Variants in PLXNA1 observed in about 807,000 individuals in gnomAD.
The protein encoded by PLXNA1 is plexin A1, also known as plexin-A1.
Under a neutral mutation model 191.7 loss-of-function variants are expected in PLXNA1, and 77 were observed. The observed-to-expected ratio is 0.40, with a 90% CI of 0.33 to 0.49. PLXNA1 has a LOEUF of 0.49. Ranked by LOEUF, PLXNA1 falls within the 20% of genes least tolerant of loss-of-function variation. PLXNA1 has a pLI of 0.63. For synonymous variants in PLXNA1, 1,137 were observed against 1,156.4 expected (o/e 0.98, Z 0.34); for missense variants, 2,110 against 2,660.2 (o/e 0.79, Z 4.55).
At chr3:127,031,292 A>G (rs998639150) in intron 29 of PLXNA1, among the ~76,000 whole-genome samples, 14 of 151,804 alleles carry the variant, frequency 9.2e-5, no homozygotes, top group African/African-American at 3.4e-4. Flanking sequence ...TGTGGCCCCC[A>G]CCCCAGCAGA....
At position 127,028,324 on chromosome 3, in the gene PLXNA1, C is replaced by T. The variant is rs749442884; in HGVS notation, c.4653C>T (p.Ala1551=). The part of the protein sequence containing the change: ...KGVPYSQRPK[A]ADMDLEWRQG... ...TGCCCTACTCCCAGCGGCCCAAGGC[C>T]GCGGACATGGACCTGGGTGAGCGGG... The change falls in exon 25 of 32, where the codon GCC becomes GCT. Residue 1551 remains alanine (A), a synonymous_variant. Transcript: ENST00000393409. The T allele has an allele frequency of 1.2e-5, 20 of 1,611,444 alleles. No individual in the cohort carries two copies. The highest frequency in any genetic ancestry group is 6.7e-5 in the Admixed American group (4 of 59,886).
In PLXNA1 at chr3:127,014,815, A is replaced by C; in HGVS notation, c.2861A>C (p.Lys954Thr). Residue 954 changes from lysine (K) to threonine (T), a missense_variant, in exon 14 of 32, where the codon AAG (lysine) becomes ACG (threonine). Coordinates refer to ENST00000393409, the MANE Select transcript of PLXNA1 (RefSeq NM_032242.4). ...CSPHYRALSP[K>T]RFTFVTPTFY... The stretch of plus-strand genomic sequence containing the variant: ...CCACACTACCGCGCCCTGTCACCCA[A>C]GCGCTTCACCTTCGTGGTGAGTCTG... The C allele has an allele frequency of 6.2e-7, 1 of 1,612,542 alleles. No homozygotes were observed. The highest frequency in any genetic ancestry group is 2.2e-5 in the East Asian group (1 of 44,868).
chr3:127,001,097 T>C (rs1265486821), intron 3 of PLXNA1, among the ~76,000 whole-genome samples: 2 of 152,146 alleles, frequency 1.3e-5, no homozygotes, highest in African/African-American at 4.8e-5. Context: ...CGGGGCGTTC[T>C]GGAGCCTGGG....
At chr3:127,030,891 C>T (rs1297716202) in intron 29 of PLXNA1, among the ~76,000 whole-genome samples, 1 of 152,198 alleles carries the variant, frequency 6.6e-6, no homozygotes, top group Non-Finnish European at 1.5e-5. Context: ...CCACTTGCCA[C>T]GGTCTCACGG....
At chr3:127,027,712 G>C in intron 23 of PLXNA1, 1 of 700,722 alleles carries the variant, frequency 1.4e-6, no homozygotes, top group Middle Eastern at 2.3e-4. Flanking sequence ...GTGTAATTTA[G>C]GGTTTTCATG....
At chr3:127,000,427 G>A (rs1305120517) in intron 3 of PLXNA1, among the ~76,000 whole-genome samples, 1 of 152,162 alleles carries the variant, frequency 6.6e-6, no homozygotes, top group East Asian at 1.9e-4. Flanking sequence ...GCGTCGGCAC[G>A]TGGGCTCCCG....
At position 126,989,667 on chromosome 3, in the gene PLXNA1, C is replaced by T. The variant is rs148162314; in HGVS notation, c.1074C>T (p.Cys358=). 121 of 1,613,150 alleles carry T rather than the reference C, an allele frequency of 7.5e-5. No homozygotes were observed. In the African/African-American group the frequency reaches 1.5e-3, roughly 21 times the overall value. Residue 358 remains cysteine (C), a synonymous_variant, in exon 2 of 32, where the codon TGC becomes TGT. Coordinates refer to ENST00000393409, the MANE Select transcript of PLXNA1 (RefSeq NM_032242.4). ...AGCCACCAAAGGAGTCAGCACTGTG[C>T]CTGTTCACGCTCAGGGCCATCAAGG... ...RVKPPKESAL[C]LFTLRAIKEK... is the part of the protein sequence containing the mutation.
chr3:127,002,518 T>A (rs1435076180), intron 3 of PLXNA1, among the ~76,000 whole-genome samples: 1 of 152,178 alleles, frequency 6.6e-6, no homozygotes, highest in Non-Finnish European at 1.5e-5. Context: ...AGTCTGGGCC[T>A]AGGCCCCTGC....
At chr3:127,025,374 TC>T (rs1241061963) in intron 23 of PLXNA1, among the ~76,000 whole-genome samples, 1 of 152,222 alleles carries the variant, frequency 6.6e-6, no homozygotes, top group Non-Finnish European at 1.5e-5. Context: ...TTTTGAAGGT[TC>T]CTTTATTTAT....
chr3:127,032,154 G>A (rs1182634994), intron 29 of PLXNA1, among the ~76,000 whole-genome samples: 4 of 152,254 alleles, frequency 2.6e-5, no homozygotes, highest in African/African-American at 7.2e-5. Context: ...GTTTGAGCAC[G>A]CCTATCTCAT....
At chr3:127,020,057 A>C in intron 20 of PLXNA1, 145 bp from the exon 21 acceptor site, 1 of 949,194 alleles carries the variant, frequency 1.1e-6, no homozygotes, top group South Asian at 1.6e-5. Context: ...TAGCTGGGGG[A>C]CGAAGAGGCA....
chr3:126,986,713 C>T (rs991314093), intron 1 of PLXNA1, among the ~76,000 whole-genome samples: 10 of 152,100 alleles, frequency 6.6e-5, no homozygotes, highest in African/African-American at 7.2e-5. Context: ...AGACCCTTCA[C>T]GAGTCCTGTG....
chr3:127,007,064 A>G (rs2079073057), intron 8 of PLXNA1, among the ~76,000 whole-genome samples: 1 of 152,148 alleles, frequency 6.6e-6, no homozygotes, highest in Admixed American at 6.5e-5. Flanking sequence ...AGGATGCAGC[A>G]TCTCCCGTCC....
At position 126,984,229 on chromosome 3, in the gene PLXNA1, C is replaced by G. The variant is rs866557879; in HGVS notation, c.-74+942C>G. On this transcript the variant is annotated intron_variant, in intron 1 of 31. Transcript: ENST00000393409. ...AGGGGAGGGGCTCCGAGGGGCGGCCCCGGGCGGCGATCTGCCCCAGGCTCC... is the reference window on the plus strand; with the variant it reads ...AGGGGAGGGGCTCCGAGGGGCGGCCGCGGGCGGCGATCTGCCCCAGGCTCC... Among the ~76,000 whole-genome samples the G allele has an allele frequency of 9.9e-5, 15 of 152,282 alleles. 1 individual carries two copies. The highest frequency in any genetic ancestry group is 3.4e-4 in the African/African-American group (14 of 41,572).
At chr3:127,018,960 G>A (rs556314729) in intron 20 of PLXNA1, among the ~76,000 whole-genome samples, 1 of 152,194 alleles carries the variant, frequency 6.6e-6, no homozygotes, top group African/African-American at 2.4e-5. Flanking sequence ...CAGCAATGGG[G>A]AGCCCTTGCG....
chr3:127,006,221 C>T (rs1488779569), intron 8 of PLXNA1, 43 bp downstream of exon 8: 1 of 1,450,616 alleles, frequency 6.9e-7, no homozygotes. Flanking sequence ...GCCTGGGCTA[C>T]TTGCCCCACT....
chr3:127,012,885 G>T (rs60996538), intron 10 of PLXNA1, among the ~76,000 whole-genome samples: 223 of 152,330 alleles, frequency 1.5e-3, no homozygotes, highest in African/African-American at 5.2e-3. Context: ...CTCAGGACGG[G>T]TGTGATCCAG....
chr3:127,030,128 A>G, intron 28 of PLXNA1, 64 bp downstream of exon 28: 2 of 1,593,678 alleles, frequency 1.3e-6, no homozygotes, highest in African/African-American at 2.7e-5. Flanking sequence ...GAAAGTGCCA[A>G]GCCCAGAGCA....
intron 29 of PLXNA1, among the ~76,000 whole-genome samples, chr3:127,031,257 C>A (rs1455039108): frequency 6.6e-6 from 1 of 152,210 alleles, no homozygotes; most frequent in Non-Finnish European, 1.5e-5. Flanking sequence ...ACACCCTAGC[C>A]CCTGGAGCGG....
Sources: allele counts gnomAD v4.1 joint callset (sites outside exome capture counted in the v4.1 genomes callset), GRCh38; gene constraint gnomAD v4.1.1; transcripts MANE v1.5; gene names NCBI Gene and HGNC (gene_info 2026-07-23, HGNC 2026-07-21).